RB1: variants seen among roughly 807,000 people sequenced by gnomAD.
RB1 encodes the protein RB transcriptional corepressor 1.
RB1 carries 18 observed loss-of-function variants against 135.4 expected under a neutral mutation model. The ratio of observed to expected loss-of-function variants is 0.13; its 90% CI spans 0.09 to 0.20. The LOEUF is 0.20. RB1 is among the 10% of genes least tolerant of loss of function. The probability of loss-of-function intolerance (pLI) is 1.00; values close to 1 mark genes in which losing one functional copy is unlikely to be tolerated. For synonymous variants in RB1, 365 were observed against 373.2 expected (o/e 0.98, Z 0.25); for missense variants, 868 against 1,110.0 (o/e 0.78, Z 3.10).
At chr13:48,362,777 A>C in intron 7 of RB1, 38 bp from the exon 8 acceptor site, 1 of 1,584,506 alleles carries the variant, frequency 6.3e-7, no homozygotes, top group Non-Finnish European at 8.7e-7. Context: ...TATATGATGG[A>C]TGTACAATTG....
intron 22 of RB1, 26 bp downstream of exon 22, chr13:48,465,137 GA>G (rs1229434631): frequency 1.2e-6 from 2 of 1,612,994 alleles, no homozygotes; most frequent in African/African-American, 2.7e-5. Context: ...CCTTTGATTG[GA>G]AAAATCTAAT....
At chr13:48,320,534 A>T in intron 2 of RB1, 1 of 534,950 alleles carries the variant, frequency 1.9e-6, no homozygotes, top group South Asian at 2.0e-5. Flanking sequence ...CCAGCTTCAT[A>T]TACTCAAAAG....
chr13:48,411,628 C>G, intron 17 of RB1: 1 of 1,612,186 alleles, frequency 6.2e-7, no homozygotes, highest in Non-Finnish European at 8.5e-7. Context: ...ACTGCTGCCA[C>G]TACTGAGCAA....
At chr13:48,337,110 T>C (rs2138076024) in intron 2 of RB1, among the ~76,000 whole-genome samples, 1 of 152,306 alleles carries the variant, frequency 6.6e-6, no homozygotes, top group East Asian at 1.9e-4. Context: ...AACTATGTGG[T>C]CAATTTTGGA....
At chr13:48,365,226 A>C (rs1222407521) in intron 9 of RB1, among the ~76,000 whole-genome samples, 1 of 152,198 alleles carries the variant, frequency 6.6e-6, no homozygotes, top group Non-Finnish European at 1.5e-5. Context: ...TCCAAAATCA[A>C]AGTATAGACT....
chr13:48,400,056 A>C (rs1948678720), intron 17 of RB1, among the ~76,000 whole-genome samples: 1 of 152,078 alleles, frequency 6.6e-6, no homozygotes, highest in Non-Finnish European at 1.5e-5. Context: ...CAAAAATCTA[A>C]CAACTCAGGA....
chr13:48,434,687 A>G (rs1174997619), intron 17 of RB1, among the ~76,000 whole-genome samples: 3 of 151,954 alleles, frequency 2.0e-5, no homozygotes, highest in Non-Finnish European at 4.4e-5. Context: ...GTGTAGGTCC[A>G]TGTATCCACC....
rs114342271 is a variant in RB1, at chr13:48,448,768, T to C, written c.1696-4225T>C. 8.5e-3 allele frequency among the ~76,000 whole-genome samples: 1,285 copies of C among 151,996 alleles called. 16 individuals are homozygous for C. Among genetic ancestry groups the C allele is most frequent in the African/African-American group, 0.03 (1,242 of 41,440 alleles). ...AAATCACTGAAAGCTGAGAAAAGAG[T>C]TGAATGTTCAAGTGGCTACTTGAAG... is the stretch of plus-strand genomic sequence containing the variant. On this transcript the variant is annotated intron_variant, in intron 17 of 26. Transcript: ENST00000267163.
At chr13:48,462,985 G>A (rs995301980) in intron 20 of RB1, among the ~76,000 whole-genome samples, 11 of 152,168 alleles carry the variant, frequency 7.2e-5, no homozygotes, top group Admixed American at 5.2e-4. Flanking sequence ...ACACTTGGCT[G>A]TAGGATGCCA....
At chr13:48,426,652 T>C (rs1422374687) in intron 17 of RB1, 1 of 152,220 alleles carries the variant, frequency 6.6e-6, no homozygotes, top group East Asian at 1.9e-4. Context: ...AAGTACAACT[T>C]AGGAAACTAA....
intron 23 of RB1, among the ~76,000 whole-genome samples, chr13:48,471,519 C>G (rs538653496): frequency 7.5e-4 from 97 of 128,492 alleles, no homozygotes; most frequent in Middle Eastern, 4.0e-3. Flanking sequence ...ATGTAACTAA[C>G]CTGCACAATG....
chr13:48,451,489 A>G (rs534170951), intron 17 of RB1, among the ~76,000 whole-genome samples: 53 of 152,244 alleles, frequency 3.5e-4, no homozygotes, highest in African/African-American at 1.2e-3. Flanking sequence ...CATGGTAGAT[A>G]AGCTTTTTGG....
chr13:48,332,257 G>A (rs1387675017), intron 2 of RB1, among the ~76,000 whole-genome samples: 1 of 152,138 alleles, frequency 6.6e-6, no homozygotes, highest in Non-Finnish European at 1.5e-5. Context: ...TTGTCAAAGG[G>A]TACAAACTTT....
chr13:48,448,813 A>T (rs150437020), intron 17 of RB1, among the ~76,000 whole-genome samples: 1 of 152,220 alleles, frequency 6.6e-6, no homozygotes, highest in Admixed American at 6.5e-5. Flanking sequence ...GTGATGTATC[A>T]TGTAATCCTG....
chr13:48,453,840 C>T (rs901752536), intron 18 of RB1, among the ~76,000 whole-genome samples: 2 of 152,162 alleles, frequency 1.3e-5, no homozygotes, highest in Non-Finnish European at 2.9e-5. Context: ...AGTGAATCGA[C>T]ATTTTACATA....
intron 17 of RB1, among the ~76,000 whole-genome samples, chr13:48,422,234 G>T (rs965544981): frequency 1.3e-5 from 2 of 152,040 alleles, no homozygotes; most frequent in African/African-American, 4.8e-5. Flanking sequence ...GGATGAAGCT[G>T]GAAACCATCA....
rs138903485 is a variant in RB1, at chr13:48,356,208, A to C, written c.608-3809A>C. On this transcript the variant is annotated intron_variant, in intron 6 of 26. Coordinates refer to ENST00000267163, the MANE Select transcript of RB1 (RefSeq NM_000321.3). ...ATGTACTATGTACCCACAAAAATTA[A>C]AATTTAAAAAATTATGTAATTGTCA... Among the ~76,000 whole-genome samples, 992 of 152,168 alleles carry C rather than the reference A, an allele frequency of 6.5e-3. 15 individuals carry two copies. The highest frequency in any genetic ancestry group is 0.023 in the African/African-American group (945 of 41,556).
At chr13:48,473,336 T>C (rs1271877074) in intron 23 of RB1, 24 bp from the exon 24 acceptor site, 1 of 1,550,002 alleles carries the variant, frequency 6.5e-7, no homozygotes, top group Non-Finnish European at 8.9e-7. Context: ...TATTACTAAT[T>C]GGTATTTCAT....
intron 17 of RB1, among the ~76,000 whole-genome samples, chr13:48,388,315 G>T: frequency 6.6e-6 from 1 of 152,100 alleles, no homozygotes. Flanking sequence ...AATGAGGTTT[G>T]CTTGGGAAGA....
Sources: gnomAD v4.1 joint callset for allele counts (sites outside exome capture counted in the v4.1 genomes callset) on GRCh38, gnomAD v4.1.1 for gene constraint, MANE v1.5 for transcripts, NCBI Gene and HGNC (gene_info 2026-07-23, HGNC 2026-07-21) for gene names.